The following EPHB1 variants were observed in gnomAD, a reference collection of about 807,000 sequenced individuals.
The protein encoded by EPHB1 is ephrin type-B receptor 1.
A neutral mutation model predicts 94.4 loss-of-function variants in EPHB1; 30 were observed. The observed-to-expected ratio is 0.32, with a 90% CI of 0.24 to 0.43. The LOEUF (loss-of-function observed/expected upper bound fraction) is 0.43, where lower values mean the gene tolerates loss of function less well. Among genes scored for constraint, EPHB1 ranks in the 20% least tolerant of loss-of-function variants. The probability of loss-of-function intolerance (pLI) is 1.00; values close to 1 mark genes in which losing one functional copy is unlikely to be tolerated. For missense variants in EPHB1, 1,055 were observed against 1,308.3 expected (o/e 0.81, Z 2.99); for synonymous variants, 522 against 489.1 (o/e 1.07, Z -0.89).
chr3:134,938,510 A>G (rs965729665), intron 2 of EPHB1, among the ~76,000 whole-genome samples: 2 of 152,218 alleles, frequency 1.3e-5, no homozygotes, highest in African/African-American at 2.4e-5. Flanking sequence ...GGCCATGGCC[A>G]ACACCTCAGC....
At chr3:135,091,952 A>G (rs572269727) in intron 3 of EPHB1, among the ~76,000 whole-genome samples, 2 of 152,200 alleles carry the variant, frequency 1.3e-5, no homozygotes, top group South Asian at 2.1e-4. Context: ...GTGAGAAGTC[A>G]TCTTCATTTA....
chr3:134,911,097 AC>A (rs1253645840), intron 1 of EPHB1, among the ~76,000 whole-genome samples: 3 of 152,340 alleles, frequency 2.0e-5, no homozygotes, highest in African/African-American at 2.4e-5. Flanking sequence ...AAGGGACCAG[AC>A]TTCCACCTTG....
chr3:134,845,110 G>A (rs1384900148), intron 1 of EPHB1, among the ~76,000 whole-genome samples: 1 of 152,204 alleles, frequency 6.6e-6, no homozygotes, highest in Non-Finnish European at 1.5e-5. Flanking sequence ...ACTGGATGTG[G>A]AGTATTCTAC....
At chr3:134,931,692 A>T (rs1028443943) in intron 2 of EPHB1, among the ~76,000 whole-genome samples, 8 of 152,190 alleles carry the variant, frequency 5.3e-5, no homozygotes, top group Non-Finnish European at 8.8e-5. Context: ...AGCTGGGCTC[A>T]TGTGTACTCC....
At chr3:135,216,663 C>T (rs539599464) in intron 12 of EPHB1, among the ~76,000 whole-genome samples, 45 of 139,242 alleles carry the variant, frequency 3.2e-4, no homozygotes, top group Admixed American at 8.1e-4. Flanking sequence ...ATAGAGGTTG[C>T]AGTGAGCCGA....
intron 12 of EPHB1, among the ~76,000 whole-genome samples, chr3:135,227,260 A>G (rs541508554): frequency 6.6e-6 from 1 of 152,362 alleles, no homozygotes; most frequent in East Asian, 1.9e-4. Flanking sequence ...CTAAAATAAA[A>G]TCTGCAATTT....
intron 1 of EPHB1, among the ~76,000 whole-genome samples, chr3:134,838,826 GTAAA>G (rs1299501287): frequency 6.6e-6 from 1 of 152,182 alleles, no homozygotes; most frequent in Non-Finnish European, 1.5e-5. Flanking sequence ...TACAAGAAAA[GTAAA>G]TAAAGAGACT....
intron 5 of EPHB1, among the ~76,000 whole-genome samples, chr3:135,136,040 G>A (rs12488680): frequency 0.043 from 6,518 of 152,284 alleles, 226 homozygotes; most frequent in South Asian, 0.2. Flanking sequence ...GACTTAAAGG[G>A]ATTTGGAGAA....
chr3:135,030,625 G>A (rs904063478), intron 3 of EPHB1, among the ~76,000 whole-genome samples: 25 of 152,336 alleles, frequency 1.6e-4, no homozygotes, highest in South Asian at 1.0e-3. Context: ...TGCTCTCTTC[G>A]AAGCTGTCAG....
At chr3:134,937,887 T>C (rs2039036112) in intron 2 of EPHB1, among the ~76,000 whole-genome samples, 1 of 150,682 alleles carries the variant, frequency 6.6e-6, no homozygotes, top group Admixed American at 6.6e-5. Context: ...GTTGCCATAG[T>C]GACCAGCCAA....
intron 1 of EPHB1, among the ~76,000 whole-genome samples, chr3:134,847,591 G>C (rs549064039): frequency 6.6e-6 from 1 of 152,308 alleles, no homozygotes; most frequent in African/African-American, 2.4e-5. Context: ...ACCACAGTAA[G>C]GTGCTGACTA....
chr3:134,810,876 C>T lies in EPHB1; in HGVS notation c.58+15187C>T, dbSNP rs375170347. On this transcript the variant is annotated intron_variant, in intron 1 of 15. Transcript: ENST00000398015. ...CAGCCATCTCTCTCTATATATTTAG[C>T]CTAAGCCTAGCAGGGTACTGGTTCT... is the stretch of plus-strand genomic sequence containing the variant. Among the ~76,000 whole-genome samples the T allele has an allele frequency of 3.5e-3, 538 of 152,238 alleles. 4 individuals are homozygous for T. Among genetic ancestry groups the T allele is most frequent in the African/African-American group, 0.012 (513 of 41,534 alleles).
intron 1 of EPHB1, among the ~76,000 whole-genome samples, chr3:134,904,755 C>T (rs1036224529): frequency 2.6e-5 from 4 of 152,178 alleles, no homozygotes; most frequent in Non-Finnish European, 4.4e-5. Context: ...AGACATCTGA[C>T]TGTCATTTAG....
chr3:134,929,618 G>A (rs36177), intron 2 of EPHB1, among the ~76,000 whole-genome samples: 1 of 151,978 alleles, frequency 6.6e-6, no homozygotes, highest in Non-Finnish European at 1.5e-5. Context: ...AGAGTGAGGC[G>A]AGGAGGGACT....
chr3:134,922,439 C>T (rs2038707633), intron 1 of EPHB1, among the ~76,000 whole-genome samples: 2 of 152,312 alleles, frequency 1.3e-5, no homozygotes, highest in South Asian at 2.1e-4. Context: ...ATTTCTCTTG[C>T]TGCAAATTCT....
At chr3:135,166,637 A>C (rs981016807) in intron 8 of EPHB1, among the ~76,000 whole-genome samples, 4 of 152,214 alleles carry the variant, frequency 2.6e-5, no homozygotes, top group Admixed American at 2.6e-4. Context: ...AATGTAGCTT[A>C]AGTGCTGATG....
At chr3:135,098,341 A>AGTGT (rs34315780) in intron 3 of EPHB1, among the ~76,000 whole-genome samples, 5 of 150,930 alleles carry the variant, frequency 3.3e-5, no homozygotes, top group African/African-American at 9.7e-5. Context: ...GATATGTTTG[A>AGTGT]GTGTGTGTGT....
At chr3:135,067,817 G>C (rs1937602033) in intron 3 of EPHB1, 1 of 152,284 alleles carries the variant, frequency 6.6e-6, no homozygotes. Context: ...GTGCCAGGCA[G>C]GAATTTCCTG....
At chr3:135,230,496 C>G (rs1294483911) in intron 12 of EPHB1, among the ~76,000 whole-genome samples, 1 of 152,130 alleles carries the variant, frequency 6.6e-6, no homozygotes, top group Non-Finnish European at 1.5e-5. Context: ...ATAGCAGGAC[C>G]CAGGCTTCAG....
Sources: gnomAD v4.1 joint callset for allele counts (sites outside exome capture counted in the v4.1 genomes callset) on GRCh38, gnomAD v4.1.1 for gene constraint, MANE v1.5 for transcripts, NCBI Gene and HGNC (gene_info 2026-07-23, HGNC 2026-07-21) for gene names.